Variants in ACKR3 observed in about 807,000 individuals in gnomAD.
ACKR3 encodes the protein C-X-C chemokine receptor type 7.
Under a neutral mutation model 22.4 loss-of-function variants are expected in ACKR3, and 6 were observed. The observed-to-expected ratio is 0.27, with a 90% CI of 0.15 to 0.53. ACKR3 has a LOEUF of 0.53. ACKR3 is among the 20% of genes least tolerant of loss of function. The pLI is 0.96. For synonymous variants in ACKR3, 209 were observed against 205.2 expected (o/e 1.02, Z -0.16); for missense variants, 396 against 475.2 (o/e 0.83, Z 1.55).
chr2:236,541,952 CT>C, the ACKR3 span, among the ~76,000 whole-genome samples: 35,284 of 150,722 alleles, frequency 0.23, 5,886 homozygotes, highest in African/African-American at 0.48. Flanking sequence ...TATTAAACCT[CT>C]TTTTTTTTTC....
At chr2:236,548,302 C>T in the ACKR3 span, among the ~76,000 whole-genome samples, 1 of 152,024 alleles carries the variant, frequency 6.6e-6, no homozygotes. The surrounding 1 kb of genome is among the most constrained non-coding windows in gnomAD (Gnocchi z 4.3). Context: ...AATGCCTCTC[C>T]CAGAAAGCAT....
chr2:236,576,202 A>C (rs1691408854), intron 1 of ACKR3, among the ~76,000 whole-genome samples: 1 of 152,222 alleles, frequency 6.6e-6, no homozygotes. Flanking sequence ...TGACTGGTCT[A>C]AGTGGATGTC....
At chr2:236,561,446 G>C in the ACKR3 span, among the ~76,000 whole-genome samples, 2 of 151,138 alleles carry the variant, frequency 1.3e-5, no homozygotes, top group African/African-American at 4.9e-5. Context: ...GGTCATGACT[G>C]TCGTTTGTTA....
At chr2:236,555,424 A>T in the ACKR3 span, among the ~76,000 whole-genome samples, 1 of 152,124 alleles carries the variant, frequency 6.6e-6, no homozygotes, top group Non-Finnish European at 1.5e-5. Context: ...TTGCCATTTC[A>T]TCCATAACTG....
rs1349649042 is a variant in ACKR3 at position 236,580,625 on chromosome 2, A to T, written c.160A>T (p.Ile54Phe). 1.2e-6 allele frequency: 2 copies of T among 1,613,590 alleles called. No homozygotes were observed. Among genetic ancestry groups the T allele is most frequent in the Non-Finnish European group, 1.7e-6 (2 of 1,179,812 alleles). The change falls in exon 2 of 2, where the codon ATC becomes TTC. Residue 54 changes from isoleucine to phenylalanine, a missense_variant. By Grantham distance (21) the Ile-to-Phe change is conservative (BLOSUM62 0). Transcript: ENST00000272928. ...LYTLSFIYIF[I>F]FVIGMIANSV... ...CACGCTCTCCTTCATTTACATTTTC[A>T]TCTTCGTCATCGGCATGATTGCCAA...
At chr2:236,578,903 C>G (rs1326888037) in intron 1 of ACKR3, among the ~76,000 whole-genome samples, 1 of 152,206 alleles carries the variant, frequency 6.6e-6, no homozygotes, top group South Asian at 2.1e-4. Flanking sequence ...GGGAGAATCC[C>G]CAGGGTTCTT....
upstream of ACKR3, among the ~76,000 whole-genome samples, chr2:236,568,859 A>G (rs1270566631): frequency 6.6e-6 from 1 of 152,132 alleles, no homozygotes; most frequent in Non-Finnish European, 1.5e-5. Context: ...CATACACTCC[A>G]CTTGAGCCGC....
chr2:236,557,178 T>C, the ACKR3 span, among the ~76,000 whole-genome samples: 6 of 152,110 alleles, frequency 3.9e-5, no homozygotes, highest in Non-Finnish European at 5.9e-5. Flanking sequence ...TTTTGTATAA[T>C]GGATTGGAAT....
upstream of ACKR3, among the ~76,000 whole-genome samples, chr2:236,568,407 A>G (rs1691233978): frequency 6.6e-6 from 1 of 152,178 alleles, no homozygotes; most frequent in Non-Finnish European, 1.5e-5. Flanking sequence ...GGTCTCGCCT[A>G]GATCTTGGGT....
Position 236,574,480 on chromosome 2 carries a change from G to T in ACKR3, c.-27+4556G>T, listed in dbSNP as rs866173665. On this transcript the variant is annotated intron_variant, in intron 1 of 1. Transcript: ENST00000272928. The surrounding 1 kb of genome is among the most constrained non-coding windows in gnomAD (Gnocchi z 5.6). ...GATGTGCAGTGTGGGGCCAGGAGAA[G>T]GTGGGAGAATCAGAAGGGCAGAGGG... Among the ~76,000 whole-genome samples, 76 of 152,156 alleles carry T rather than the reference G, an allele frequency of 5.0e-4. No homozygotes were observed. Among genetic ancestry groups the T allele is most frequent in the African/African-American group, 1.8e-3 (74 of 41,424 alleles).
chr2:236,562,899 C>T (rs1691098619), upstream of ACKR3, among the ~76,000 whole-genome samples: 1 of 152,104 alleles, frequency 6.6e-6, no homozygotes, highest in South Asian at 2.1e-4. Flanking sequence ...GGTCTGTCAC[C>T]ATGTAGCGCT....
At chr2:236,571,541 G>C (rs1156999472) in intron 1 of ACKR3, among the ~76,000 whole-genome samples, 1 of 145,348 alleles carries the variant, frequency 6.9e-6, no homozygotes, top group Non-Finnish European at 1.5e-5. Flanking sequence ...CGTATTAACA[G>C]CAAGTCGTTG....
intron 1 of ACKR3, among the ~76,000 whole-genome samples, chr2:236,579,537 T>A (rs1574977434): frequency 6.6e-6 from 1 of 151,700 alleles, no homozygotes; most frequent in Non-Finnish European, 1.5e-5. Context: ...TGGCTGGGAG[T>A]GAAATGGTGA....
upstream of ACKR3, among the ~76,000 whole-genome samples, chr2:236,564,969 T>A (rs1049070911): frequency 6.6e-6 from 1 of 152,152 alleles, no homozygotes; most frequent in East Asian, 1.9e-4. Flanking sequence ...AACAGAAAGA[T>A]GGGAAAACAT....
At chr2:236,558,119 C>T in the ACKR3 span, among the ~76,000 whole-genome samples, 2 of 152,128 alleles carry the variant, frequency 1.3e-5, no homozygotes, top group African/African-American at 4.8e-5. Context: ...TGGCTTTGCT[C>T]AGGAAAGAAC....
chr2:236,544,988 G>A, the ACKR3 span, among the ~76,000 whole-genome samples: 2 of 152,166 alleles, frequency 1.3e-5, no homozygotes, highest in African/African-American at 4.8e-5. This position sits in a 1 kb window ranked among gnomAD's most constrained non-coding sequence, Gnocchi z 5.0. Context: ...GAGAACTCTG[G>A]TCCACAGGTG....
the ACKR3 span, among the ~76,000 whole-genome samples, chr2:236,543,971 A>G: frequency 1.5e-5 from 1 of 66,898 alleles, no homozygotes; most frequent in East Asian, 5.7e-4. Context: ...ATATATATAT[A>G]TATATATATA....
chr2:236,578,464 G>T (rs1373408986), intron 1 of ACKR3, among the ~76,000 whole-genome samples: 1 of 152,242 alleles, frequency 6.6e-6, no homozygotes, highest in East Asian at 1.9e-4. Context: ...CCCGCTGCAG[G>T]ACCAGCGTGG....
At chr2:236,560,061 G>A in the ACKR3 span, among the ~76,000 whole-genome samples, 1 of 152,192 alleles carries the variant, frequency 6.6e-6, no homozygotes, top group Non-Finnish European at 1.5e-5. Context: ...ATGACAAAAA[G>A]AAATTTCTGG....
Sources: gnomAD v4.1 joint callset for allele counts (sites outside exome capture counted in the v4.1 genomes callset) on GRCh38, gnomAD v4.1.1 for gene constraint, Gnocchi (gnomAD v3.1) non-coding constraint, MANE v1.5 for transcripts, NCBI Gene and HGNC (gene_info 2026-07-23, HGNC 2026-07-21) for gene names.